OXSR1: variants seen among roughly 807,000 people sequenced by gnomAD.
OXSR1 encodes the protein serine/threonine-protein kinase OSR1.
In OXSR1, 24 loss-of-function variants were observed where a neutral mutation model predicts 79.8. That is an observed-to-expected ratio of 0.30 (90% CI 0.22 to 0.42). The LOEUF is 0.42. OXSR1 is among the 10% of genes least tolerant of loss of function. The pLI, the probability that OXSR1 is intolerant of heterozygous loss-of-function variation, is 1.00. For synonymous variants in OXSR1, 226 were observed against 209.2 expected, an observed-to-expected ratio of 1.08 and a Z score of -0.69; for missense variants, 430 against 618.4, an observed-to-expected ratio of 0.70 and a Z score of 3.23.
chr3:38,206,514 A>G (rs1290458689), intron 4 of OXSR1, among the ~76,000 whole-genome samples: 1 of 151,590 alleles, frequency 6.6e-6, no homozygotes, highest in African/African-American at 2.4e-5. Flanking sequence ...AAAAAAAAAA[A>G]GAGACAATGA....
At chr3:38,198,981 CT>C in intron 4 of OXSR1, 118 bp downstream of exon 4, 1 of 781,962 alleles carries the variant, frequency 1.3e-6, no homozygotes, top group East Asian at 2.5e-5. Context: ...TTTTAGTACA[CT>C]GTGGTTAGAG....
intron 1 of OXSR1, among the ~76,000 whole-genome samples, chr3:38,169,534 G>C (rs1701534745): frequency 6.6e-6 from 1 of 151,974 alleles, no homozygotes; most frequent in Admixed American, 6.6e-5. Context: ...TCAAACTCCT[G>C]ACCTCAGGTG....
intron 8 of OXSR1, among the ~76,000 whole-genome samples, chr3:38,228,796 A>T (rs1382675103): frequency 6.6e-6 from 1 of 151,486 alleles, no homozygotes; most frequent in African/African-American, 2.4e-5. Flanking sequence ...CTGGTCTTGA[A>T]CTCCTGATAT....
intron 5 of OXSR1, among the ~76,000 whole-genome samples, chr3:38,218,287 A>G (rs1319437973): frequency 6.6e-6 from 1 of 151,810 alleles, no homozygotes; most frequent in Non-Finnish European, 1.5e-5. Context: ...ACAAGAATCC[A>G]ATTTCTCCAC....
At chr3:38,224,147 A>G (rs1702643224) in intron 7 of OXSR1, among the ~76,000 whole-genome samples, 1 of 152,240 alleles carries the variant, frequency 6.6e-6, no homozygotes, top group Non-Finnish European at 1.5e-5. Context: ...GGAACTCTAT[A>G]CCCATTAAAT....
At position 38,244,666 on chromosome 3, in the gene OXSR1, T is replaced by TGTGTGTGTGTGTGTGTGTGTGTGC. The variant is rs748851263; in HGVS notation, c.1111-1408_1111-1407insTGTGTGTGTGTGTGTGTGTGTGCG. Among the ~76,000 whole-genome samples the TGTGTGTGTGTGTGTGTGTGTGTGC allele has an allele frequency of 4.0e-3, 571 of 144,024 alleles. 5 individuals carry two copies. The highest frequency in any genetic ancestry group is 0.011 in the Middle Eastern group (3 of 268). The allele number at this position is 144,024 out of a possible 152,430, so 94.5% of individuals were successfully genotyped here. A position where few individuals can be genotyped will look rare whatever the true frequency, so the allele number is the denominator to read the frequency against. ...GTGTGTGTGTGTGTGTGTGTGTGTG[T>TGTGTGTGTGTGTGTGTGTGTGTGC]GCGTGCGCATGTACCACATTTTATT... is the stretch of plus-strand genomic sequence containing the variant. On this transcript the variant is annotated intron_variant, in intron 12 of 17. Transcript: ENST00000311806.
At chr3:38,209,658 G>A (rs1431854284) in intron 4 of OXSR1, among the ~76,000 whole-genome samples, 16 of 142,502 alleles carry the variant, frequency 1.1e-4, no homozygotes, top group Admixed American at 2.8e-4. Flanking sequence ...TTTTTGAGAC[G>A]GAGTCTCGCT....
At position 38,252,944 on chromosome 3, in the gene OXSR1, G is replaced by A. The variant is rs371503225; in HGVS notation, c.*53G>A. ...GGAGATTCCACACATGCGTATCTCT[G>A]TTGCTTCTATTGGCCTAAACCCACT... is the stretch of plus-strand genomic sequence containing the variant. On this transcript the variant is annotated 3_prime_UTR_variant, in exon 18 of 18. Transcript: ENST00000311806. The A allele has an allele frequency of 6.9e-7, 1 of 1,440,166 alleles. No individual in the cohort carries two copies. Among genetic ancestry groups the A allele is most frequent in the African/African-American group, 1.4e-5 (1 of 71,520 alleles). The allele number at this position is 1,440,166 out of a possible 1,614,324, so 89.2% of individuals were successfully genotyped here.
Position 38,165,819 on chromosome 3 carries a change from C to A in OXSR1, c.-58C>A. ...CTGTTGGGGGTGGGGAGACGCGCGG[C>A]GAGGAGACGAGCGAGGTCAGCGAGT... On this transcript the variant is annotated 5_prime_UTR_variant, in exon 1 of 18. Coordinates refer to ENST00000311806, the MANE Select transcript of OXSR1 (RefSeq NM_005109.3). The A allele has an allele frequency of 6.9e-7, 1 of 1,441,898 alleles. No homozygotes were observed. Among genetic ancestry groups the A allele is most frequent in the Non-Finnish European group, 9.6e-7 (1 of 1,043,024 alleles). 89.3% of individuals were successfully genotyped at this position (1,441,898 alleles called of 1,614,324 possible). A position where few individuals can be genotyped will look rare whatever the true frequency, so the allele number is the denominator to read the frequency against.
chr3:38,249,311 A>G (rs13078123), intron 14 of OXSR1, among the ~76,000 whole-genome samples: 1,881 of 152,254 alleles, frequency 0.012, 17 homozygotes, highest in Non-Finnish European at 0.018. Context: ...CATCACTGTA[A>G]CTGTACCTCA....
At chr3:38,248,312 GTC>G (rs1332677223) in intron 14 of OXSR1, among the ~76,000 whole-genome samples, 2 of 151,954 alleles carry the variant, frequency 1.3e-5, no homozygotes, top group African/African-American at 4.8e-5. Flanking sequence ...ATAGGTAGCA[GTC>G]TGTTCATTTT....
chr3:38,229,779 C>A, intron 9 of OXSR1, 44 bp downstream of exon 9: 1 of 1,391,516 alleles, frequency 7.2e-7, no homozygotes, highest in African/African-American at 1.4e-5. Context: ...ATAGGATGCT[C>A]CTCAATTACT....
At chr3:38,188,303 CCTCT>C (rs1211061455) in intron 2 of OXSR1, among the ~76,000 whole-genome samples, 1 of 152,132 alleles carries the variant, frequency 6.6e-6, no homozygotes, top group African/African-American at 2.4e-5. Flanking sequence ...ATTGTTTGTA[CCTCT>C]CTATTATTAT....
chr3:38,215,586 G>A (rs1192711564), intron 4 of OXSR1, among the ~76,000 whole-genome samples: 1 of 152,176 alleles, frequency 6.6e-6, no homozygotes, highest in African/African-American at 2.4e-5. Flanking sequence ...ACTTGAGAAT[G>A]ATGGTCAAAG....
At chr3:38,169,934 T>G (rs1319202355) in intron 1 of OXSR1, among the ~76,000 whole-genome samples, 1 of 152,066 alleles carries the variant, frequency 6.6e-6, no homozygotes, top group Non-Finnish European at 1.5e-5. Flanking sequence ...TTCGCCACAT[T>G]TCCCAGGATG....
intron 14 of OXSR1, among the ~76,000 whole-genome samples, chr3:38,249,437 A>G (rs897626596): frequency 2.6e-5 from 4 of 152,156 alleles, no homozygotes; most frequent in Non-Finnish European, 5.9e-5. Flanking sequence ...AGTCCTATAT[A>G]AAAACTACCT....
At position 38,206,380 on chromosome 3, in the gene OXSR1, CACTT is replaced by C. The variant is rs891805063; in HGVS notation, c.434+7519_434+7522del. 7.0e-4 allele frequency among the ~76,000 whole-genome samples: 106 copies of C among 151,912 alleles called. 1 individual carries two copies. Among genetic ancestry groups the C allele is most frequent in the African/African-American group, 2.2e-3 (92 of 41,452 alleles). On this transcript the variant is annotated intron_variant, in intron 4 of 17. Transcript: ENST00000311806. ...GGCCACTTTTAAAAAGGATGTTACT[CACTT>C]AGTTAAGTGAGAGTTGATACATTAT... is the stretch of plus-strand genomic sequence containing the variant.
At chr3:38,202,173 G>T (rs985137653) in intron 4 of OXSR1, among the ~76,000 whole-genome samples, 6 of 152,144 alleles carry the variant, frequency 3.9e-5, no homozygotes, top group Non-Finnish European at 8.8e-5. Flanking sequence ...GTGATAATAA[G>T]ATAAAAAACT....
chr3:38,182,892 C>T (rs958029483), intron 1 of OXSR1, 111 bp from the exon 2 acceptor site: 15 of 579,672 alleles, frequency 2.6e-5, no homozygotes, highest in East Asian at 1.3e-4. Context: ...ATCTGTTATG[C>T]GCTGTAGGAA....
Sources: allele counts gnomAD v4.1 joint callset (sites outside exome capture counted in the v4.1 genomes callset), GRCh38; gene constraint gnomAD v4.1.1; transcripts MANE v1.5; gene names NCBI Gene and HGNC (gene_info 2026-07-23, HGNC 2026-07-21).